Variants in MTMR2 observed in about 807,000 individuals in gnomAD.
MTMR2 encodes phosphatidylinositol-3,5-bisphosphate 3-phosphatase MTMR2.
Under a neutral mutation model 86.9 loss-of-function variants are expected in MTMR2, and 55 were observed. The ratio of observed to expected loss-of-function variants is 0.63; its 90% CI spans 0.51 to 0.79. The LOEUF is 0.79. MTMR2 is among the 30% of genes least tolerant of loss of function. MTMR2 has a pLI of 0.00. For synonymous variants in MTMR2, 241 were observed against 266.8 expected, an observed-to-expected ratio of 0.90 and a Z score of 0.94; for missense variants, 659 against 772.3, an observed-to-expected ratio of 0.85 and a Z score of 1.74.
chr11:95,909,738 T>C (rs1169762453), intron 1 of MTMR2, among the ~76,000 whole-genome samples: 1 of 152,110 alleles, frequency 6.6e-6, no homozygotes, highest in African/African-American at 2.4e-5. Context: ...AAAATGATAA[T>C]GATGCATTAT....
chr11:95,877,854 T>C (rs1865183575), intron 2 of MTMR2, among the ~76,000 whole-genome samples: 1 of 152,030 alleles, frequency 6.6e-6, no homozygotes, highest in Non-Finnish European at 1.5e-5. Flanking sequence ...CCAACCCTGC[T>C]AACACCTTGA....
At position 95,901,810 on chromosome 11, in the gene MTMR2, C is replaced by A. The variant is rs146130115; in HGVS notation, c.81-13549G>T. Reference sequence around the variant, plus strand: ...ACCAATAAGGGAATGCTCCTTGGAGCAGATAAAGCTTAACTGGATTTGGAA... The same window carrying A: ...ACCAATAAGGGAATGCTCCTTGGAGAAGATAAAGCTTAACTGGATTTGGAA... On this transcript the variant is annotated intron_variant, in intron 1 of 14. Coordinates refer to ENST00000346299, the MANE Select transcript of MTMR2 (RefSeq NM_016156.6). 4.1e-3 allele frequency among the ~76,000 whole-genome samples: 629 copies of A among 152,208 alleles called. 4 individuals are homozygous for A. The highest frequency in any genetic ancestry group is 7.5e-3 in the Non-Finnish European group (509 of 68,010).
At chr11:95,836,383 T>C in intron 13 of MTMR2, 59 bp from the exon 14 acceptor site, 2 of 1,464,810 alleles carry the variant, frequency 1.4e-6, no homozygotes, top group Non-Finnish European at 1.9e-6. Flanking sequence ...ACACTTTAGA[T>C]GAAATTTGTG....
In MTMR2 at chr11:95,904,133, T is replaced by TA. The variant is rs554369078; in HGVS notation, c.81-15873dup. On this transcript the variant is annotated intron_variant, in intron 1 of 14. Transcript: ENST00000346299. ...TGGGTGACAGAGCAAGAGTCCATCT[T>TA]AAAAAAACAAAAAACAAACAAACAA... Among the ~76,000 whole-genome samples the TA allele has an allele frequency of 3.3e-5, 5 of 151,706 alleles. No individual in the cohort carries two copies. In the South Asian group the frequency reaches 6.2e-4, roughly 19 times the overall value.
At chr11:95,916,807 G>C (rs895536839) in intron 1 of MTMR2, among the ~76,000 whole-genome samples, 13 of 152,098 alleles carry the variant, frequency 8.5e-5, no homozygotes, top group African/African-American at 3.1e-4. Flanking sequence ...TTCACACAAA[G>C]TAAGAGTCTT....
intron 11 of MTMR2, among the ~76,000 whole-genome samples, chr11:95,843,955 A>T (rs1469821925): frequency 1.3e-5 from 2 of 152,158 alleles, no homozygotes. Context: ...CTGAAACCAA[A>T]AAGTTTGAGA....
In MTMR2 at chr11:95,849,751, T is replaced by G. The variant is rs540785347; in HGVS notation, c.916A>C (p.Ile306Leu). ...SKEDEKYLQAIMDSNAQSHKI... is the reference protein window; with the variant it reads ...SKEDEKYLQALMDSNAQSHKI... ...TGAGACTGGGCATTGGAATCCATGA[T>G]AGCTTGAAGGTATTTTTCATCTTCT... Residue 306 changes from isoleucine to leucine, a missense_variant, in exon 9 of 15, where the codon ATC (isoleucine) becomes CTC (leucine). Coordinates refer to ENST00000346299, the MANE Select transcript of MTMR2 (RefSeq NM_016156.6). The G allele has an allele frequency of 3.7e-6, 6 of 1,614,118 alleles. No individual in the cohort carries two copies. Among genetic ancestry groups the G allele is most frequent in the Non-Finnish European group, 5.1e-6 (6 of 1,179,952 alleles).
Position 95,844,971 on chromosome 11 carries a change from A to T in MTMR2, c.1368T>A (p.Phe456Leu), listed in dbSNP as rs1445437024. The change falls in exon 11 of 15, where the codon TTT becomes TTA. Residue 456 changes from phenylalanine to leucine, a missense_variant. By Grantham distance (22) the Phe-to-Leu change is conservative. This residue lies in a region of MTMR2 where 387 missense variants were observed against 526.3 expected (regional missense o/e 0.74). Coordinates refer to ENST00000346299, the MANE Select transcript of MTMR2 (RefSeq NM_016156.6). ...TACTTACTAGTTGAAATCGATGTCC[A>T]AAACTTAGCCATTCTTTCTCCACAA... ...EVLVEKEWLS[F>L]GHRFQLRVGH... 2 of 1,613,676 alleles carry T rather than the reference A, an allele frequency of 1.2e-6. No homozygotes were observed. The highest frequency in any genetic ancestry group is 3.3e-5 in the Admixed American group (2 of 59,996).
intron 11 of MTMR2, among the ~76,000 whole-genome samples, chr11:95,843,813 T>C (rs1460900222): frequency 3.9e-5 from 6 of 152,284 alleles, no homozygotes; most frequent in African/African-American, 1.4e-4. Flanking sequence ...AGAAATATTT[T>C]TAAATTTTTT....
At chr11:95,874,509 C>A (rs1232563083) in intron 2 of MTMR2, among the ~76,000 whole-genome samples, 1 of 152,044 alleles carries the variant, frequency 6.6e-6, no homozygotes, top group African/African-American at 2.4e-5. Context: ...AGATGGGTTT[C>A]CTGAATACAG....
At chr11:95,885,172 G>A (rs868638171) in intron 2 of MTMR2, among the ~76,000 whole-genome samples, 32 of 152,064 alleles carry the variant, frequency 2.1e-4, no homozygotes, top group South Asian at 8.3e-4. Context: ...GGACACTTAC[G>A]TCTAACGTTA....
At chr11:95,859,560 T>C (rs1044570179) in intron 5 of MTMR2, among the ~76,000 whole-genome samples, 15 of 152,188 alleles carry the variant, frequency 9.9e-5, no homozygotes, top group Non-Finnish European at 1.6e-4. Flanking sequence ...TATGTTCTTA[T>C]CTACCGACAT....
intron 11 of MTMR2, among the ~76,000 whole-genome samples, chr11:95,842,720 T>G (rs1863599568): frequency 6.6e-6 from 1 of 152,246 alleles, no homozygotes; most frequent in Admixed American, 6.5e-5. Flanking sequence ...GCACTAATGA[T>G]GCAGAAGTTA....
chr11:95,841,799 TC>T, intron 11 of MTMR2, 90 bp from the exon 12 acceptor site: 2 of 1,095,640 alleles, frequency 1.8e-6, no homozygotes, highest in East Asian at 4.9e-5. Context: ...TGGTCAATAG[TC>T]TAAAAATTTT....
intron 12 of MTMR2, among the ~76,000 whole-genome samples, chr11:95,841,004 G>A (rs1246137908): frequency 3.3e-5 from 5 of 152,070 alleles, no homozygotes; most frequent in Admixed American, 2.0e-4. Flanking sequence ...CATTAATAAA[G>A]TGATCTCACA....
chr11:95,875,573 G>A (rs998858331), intron 2 of MTMR2, among the ~76,000 whole-genome samples: 16 of 150,720 alleles, frequency 1.1e-4, no homozygotes, highest in Admixed American at 6.0e-4. Flanking sequence ...TAGTTTGATC[G>A]TCTGAAGCCT....
rs58599847 is a variant in MTMR2, at chr11:95,841,045, C to T, written c.1479+572G>A. On this transcript the variant is annotated intron_variant, in intron 12 of 14. Coordinates refer to ENST00000346299, the MANE Select transcript of MTMR2 (RefSeq NM_016156.6). ...CCAGGTGTTTTCTCAGTCCCCTCTA[C>T]TCTTTCCAAAAGATTAAATTCATTT... Among the ~76,000 whole-genome samples, 475 of 152,208 alleles carry T rather than the reference C, an allele frequency of 3.1e-3. 8 individuals are homozygous for T. Among genetic ancestry groups the T allele is most frequent in the African/African-American group, 0.01 (434 of 41,522 alleles).
intron 13 of MTMR2, 44 bp downstream of exon 13, chr11:95,838,050 A>G (rs781248324): frequency 2.5e-6 from 3 of 1,181,814 alleles, no homozygotes; most frequent in Non-Finnish European, 3.8e-6. Context: ...AGGGAAAAGT[A>G]TACAGTAGAG....
chr11:95,900,620 A>T (rs892862604), intron 1 of MTMR2, among the ~76,000 whole-genome samples: 4 of 146,786 alleles, frequency 2.7e-5, no homozygotes, highest in Admixed American at 2.1e-4. Context: ...TTCCTTTTGT[A>T]GATAACATTT....
Sources: allele counts gnomAD v4.1 joint callset (sites outside exome capture counted in the v4.1 genomes callset), GRCh38; gene constraint gnomAD v4.1.1; regional missense constraint gnomAD v4.1.1; transcripts MANE v1.5; gene names NCBI Gene and HGNC (gene_info 2026-07-23, HGNC 2026-07-21).